Variants in NPNT observed in about 807,000 individuals in gnomAD.
The protein encoded by NPNT is nephronectin.
A neutral mutation model predicts 68.6 loss-of-function variants in NPNT; 45 were observed. The observed-to-expected ratio is 0.66, with a 90% CI of 0.52 to 0.84. The LOEUF is 0.84. Among genes scored for constraint, NPNT ranks in the 40% least tolerant of loss-of-function variants. NPNT has a pLI of 0.00. For missense variants in NPNT, 672 were observed against 714.8 expected (o/e 0.94, Z 0.68); for synonymous variants, 233 against 253.3 (o/e 0.92, Z 0.76).
chr4:105,959,643 C>G (rs1025997489), intron 10 of NPNT, among the ~76,000 whole-genome samples: 2 of 150,670 alleles, frequency 1.3e-5, no homozygotes, highest in Non-Finnish European at 2.9e-5. Flanking sequence ...GAAATGGTTA[C>G]GAATCACCAC....
chr4:105,924,034 G>T (rs945635449), intron 2 of NPNT, among the ~76,000 whole-genome samples: 4 of 148,108 alleles, frequency 2.7e-5, no homozygotes, highest in Admixed American at 2.0e-4. Flanking sequence ...AGTCCCCTTT[G>T]CTGCGCCCCC....
At position 105,936,991 on chromosome 4, in the gene NPNT, A is replaced by G. The variant is rs371048066; in HGVS notation, c.266-18A>G. 4 of 1,606,666 alleles carry G rather than the reference A, an allele frequency of 2.5e-6. No individual in the cohort carries two copies. Among genetic ancestry groups the G allele is most frequent in the Non-Finnish European group, 3.4e-6 (4 of 1,177,442 alleles). On this transcript the variant is annotated intron_variant, in intron 3 of 11. Transcript: ENST00000379987. Reference sequence around the variant, plus strand: ...TGAGGTTTTGTAATTTTTCTGCTTCAACCCACATTGTTTTCAGATCTAAAT... The same window carrying G: ...TGAGGTTTTGTAATTTTTCTGCTTCGACCCACATTGTTTTCAGATCTAAAT...
intron 2 of NPNT, among the ~76,000 whole-genome samples, chr4:105,925,037 AT>A (rs927704749): frequency 1.2e-4 from 18 of 152,092 alleles, no homozygotes; most frequent in East Asian, 1.9e-4. Context: ...ATTAAAAAGA[AT>A]TTTTTTAAGC....
In NPNT at chr4:105,940,551, C is replaced by G. The variant is rs1729861535; in HGVS notation, c.678C>G (p.Ser226Arg). The change falls in exon 7 of 12, where the codon AGC (serine) becomes AGG (arginine). Residue 226 changes from serine (S) to arginine (R), a missense_variant. Ser to Arg is a moderately radical substitution (Grantham distance 110). Transcript: ENST00000379987. ...DECSLGQYQCSSFARCYNIRG... is the reference protein window; with the variant it reads ...DECSLGQYQCRSFARCYNIRG... ...GCTCACTTGGTCAGTATCAGTGCAGCAGCTTTGCTCGATGTTATAACATAC... is the reference window on the plus strand; with the variant it reads ...GCTCACTTGGTCAGTATCAGTGCAGGAGCTTTGCTCGATGTTATAACATAC... 3.7e-6 allele frequency: 6 copies of G among 1,612,878 alleles called. No homozygotes were observed.
Position 105,967,303 on chromosome 4 carries a change from C to A in NPNT, c.1461C>A (p.His487Gln), listed in dbSNP as rs747349062. The change falls in exon 11 of 12, where the codon CAC becomes CAA. Residue 487 changes from histidine to glutamine, a missense_variant. His to Gln is a conservative substitution (Grantham distance 24). Coordinates refer to ENST00000379987, the MANE Select transcript of NPNT (RefSeq NM_001033047.3). The stretch of plus-strand genomic sequence containing the variant: ...GGGACCTGTGCCTGTCATTCAGGCA[C>A]AAGGTGACGGGGCTGCACTCTGGCA... ...HSGDLCLSFR[H>Q]KVTGLHSGTL... 6.2e-7 allele frequency: 1 copy of A among 1,613,850 alleles called. No homozygotes were observed. Among genetic ancestry groups the A allele is most frequent in the African/African-American group, 1.3e-5 (1 of 74,894 alleles).
intron 2 of NPNT, chr4:105,912,120 A>G: frequency 9.1e-7 from 1 of 1,101,118 alleles, no homozygotes; most frequent in Non-Finnish European, 1.3e-6. Context: ...AAGTTGATAA[A>G]TACCCAAGTC....
At chr4:105,942,230 T>G (rs1730025671) in intron 7 of NPNT, 77 bp from the exon 8 acceptor site, 3 of 1,146,830 alleles carry the variant, frequency 2.6e-6, no homozygotes, top group Non-Finnish European at 3.7e-6. Flanking sequence ...ATTAGATGTT[T>G]TTATGTCTGT....
intron 8 of NPNT, among the ~76,000 whole-genome samples, chr4:105,945,143 A>G (rs1373718339): frequency 2.0e-5 from 3 of 149,910 alleles, no homozygotes; most frequent in Admixed American, 6.8e-5. Context: ...ACATTGAAAG[A>G]TATTTTTAAA....
intron 2 of NPNT, among the ~76,000 whole-genome samples, chr4:105,905,369 G>GGTAA (rs1726804944): frequency 6.6e-6 from 1 of 152,166 alleles, no homozygotes; most frequent in African/African-American, 2.4e-5. Context: ...CAGCAGTGAA[G>GGTAA]GTAAGTATTT....
At chr4:105,966,568 G>C (rs976799548) in intron 10 of NPNT, among the ~76,000 whole-genome samples, 1 of 152,140 alleles carries the variant, frequency 6.6e-6, no homozygotes, top group African/African-American at 2.4e-5. Context: ...AGACGGGGAG[G>C]GTTTCCTGAA....
chr4:105,929,595 G>C (rs1382215408), intron 3 of NPNT: 1 of 152,156 alleles, frequency 6.6e-6, no homozygotes, highest in East Asian at 1.9e-4. Flanking sequence ...TCTGGTTATT[G>C]GATGCCAATG....
At chr4:105,955,335 T>C (rs1301182769) in intron 8 of NPNT, among the ~76,000 whole-genome samples, 5 of 152,174 alleles carry the variant, frequency 3.3e-5, no homozygotes, top group Non-Finnish European at 1.5e-5. Flanking sequence ...TCTGCATTGA[T>C]CAAAATAGCT....
intron 2 of NPNT, among the ~76,000 whole-genome samples, chr4:105,913,594 T>C (rs1727552705): frequency 6.6e-6 from 1 of 152,230 alleles, no homozygotes; most frequent in Non-Finnish European, 1.5e-5. Context: ...ATTATTAGTG[T>C]GTTCTCAATA....
At chr4:105,928,081 A>G (rs1254187163) in intron 3 of NPNT, among the ~76,000 whole-genome samples, 1 of 152,156 alleles carries the variant, frequency 6.6e-6, no homozygotes, top group Non-Finnish European at 1.5e-5. Flanking sequence ...GGTATAATCT[A>G]TTAATTATTA....
At chr4:105,897,672 C>T (rs1482837046) in intron 1 of NPNT, among the ~76,000 whole-genome samples, 4 of 152,090 alleles carry the variant, frequency 2.6e-5, no homozygotes, top group Admixed American at 2.0e-4. Flanking sequence ...GTTTTTTCTC[C>T]TACCCTTGTG....
intron 10 of NPNT, among the ~76,000 whole-genome samples, chr4:105,959,475 G>A (rs568465704): frequency 1.3e-5 from 2 of 151,112 alleles, no homozygotes; most frequent in African/African-American, 4.9e-5. Flanking sequence ...TGGTATATCA[G>A]CCATGGTAAT....
intron 2 of NPNT, among the ~76,000 whole-genome samples, chr4:105,900,782 G>A (rs1387322475): frequency 6.7e-6 from 1 of 149,980 alleles, no homozygotes; most frequent in Non-Finnish European, 1.5e-5. Context: ...ACCCGTTCCA[G>A]AAATAGGCAG....
chr4:105,912,048 A>ATTTT, intron 2 of NPNT: 3 of 648,290 alleles, frequency 4.6e-6, no homozygotes, highest in Non-Finnish European at 8.2e-6. Context: ...CATGTCCTAG[A>ATTTT]TTTTTTTTTG....
At chr4:105,902,422 G>T (rs1276138158) in intron 2 of NPNT, among the ~76,000 whole-genome samples, 3 of 152,308 alleles carry the variant, frequency 2.0e-5, no homozygotes, top group Non-Finnish European at 2.9e-5. Flanking sequence ...GGTGGGGATT[G>T]TACTGTTTAC....
Sources: gnomAD v4.1 joint callset for allele counts (sites outside exome capture counted in the v4.1 genomes callset) on GRCh38, gnomAD v4.1.1 for gene constraint, MANE v1.5 for transcripts, NCBI Gene and HGNC (gene_info 2026-07-23, HGNC 2026-07-21) for gene names.